Variants in MBD5 observed in about 807,000 individuals in gnomAD.
MBD5 encodes methyl-CpG binding domain protein 5.
Under a neutral mutation model 117.3 loss-of-function variants are expected in MBD5, and 13 were observed. That is an observed-to-expected ratio of 0.11 (90% CI 0.07 to 0.18). The LOEUF (loss-of-function observed/expected upper bound fraction) is 0.18. Among genes scored for constraint, MBD5 ranks in the 10% least tolerant of loss-of-function variants. The pLI is 1.00. For missense variants in MBD5, 1,879 were observed against 2,093.8 expected (o/e 0.90, Z 2.00); for synonymous variants, 727 against 766.4 (o/e 0.95, Z 0.85).
intron 1 of MBD5, among the ~76,000 whole-genome samples, chr2:148,097,006 T>C (rs1696084939): frequency 6.6e-6 from 1 of 152,110 alleles, no homozygotes; most frequent in Non-Finnish European, 1.5e-5. Flanking sequence ...CTGAAATTGA[T>C]TGCAGGAAAC....
At chr2:148,346,389 C>G (rs1054456502) in intron 4 of MBD5, 1 of 151,844 alleles carries the variant, frequency 6.6e-6, no homozygotes, top group South Asian at 2.1e-4. Context: ...AAAATGGAAT[C>G]GGTAGATCAA....
At chr2:148,083,530 A>T (rs1695700654) in intron 1 of MBD5, among the ~76,000 whole-genome samples, 1 of 152,198 alleles carries the variant, frequency 6.6e-6, no homozygotes, top group South Asian at 2.1e-4. Flanking sequence ...TGCTATTAAC[A>T]TATTTTATTC....
chr2:148,218,298 C>T (rs1413237804), intron 2 of MBD5, among the ~76,000 whole-genome samples: 3 of 152,092 alleles, frequency 2.0e-5, no homozygotes, highest in Non-Finnish European at 4.4e-5. Context: ...CTTGGATCAA[C>T]GGATACCTGA....
intron 4 of MBD5, among the ~76,000 whole-genome samples, chr2:148,446,201 C>T (rs929757344): frequency 1.4e-4 from 22 of 151,946 alleles, no homozygotes; most frequent in African/African-American, 4.1e-4. Flanking sequence ...ACATGAAGCC[C>T]TTGCCCACGC....
At chr2:148,114,496 T>A (rs966372346) in intron 1 of MBD5, among the ~76,000 whole-genome samples, 3 of 152,144 alleles carry the variant, frequency 2.0e-5, no homozygotes, top group Non-Finnish European at 2.9e-5. Flanking sequence ...ATTCCAATTT[T>A]AAAATTTTTC....
In MBD5 at chr2:148,059,359, T is replaced by G. The variant is rs930399593; in HGVS notation, c.-925+37675T>G. Among the ~76,000 whole-genome samples the G allele has an allele frequency of 2.0e-5, 3 of 152,216 alleles. No individual in the cohort carries two copies. In the East Asian group the frequency reaches 5.8e-4, roughly 29 times the overall value. Reference sequence around the variant, plus strand: ...ATATACACACTTGGTAATTTTGTACTGGTAACCCGTAAAGAATTTTCCTGT... The same window carrying G: ...ATATACACACTTGGTAATTTTGTACGGGTAACCCGTAAAGAATTTTCCTGT... On this transcript the variant is annotated intron_variant, in intron 1 of 13. Transcript: ENST00000642680.
chr2:148,430,603 G>A (rs542092213), intron 4 of MBD5, among the ~76,000 whole-genome samples: 55 of 151,958 alleles, frequency 3.6e-4, no homozygotes, highest in Non-Finnish European at 7.5e-4. Context: ...ACTTCTCATT[G>A]TAATTCTATC....
rs551152620 is a variant in MBD5, at chr2:148,515,626, C to A, written c.*2685C>A. The A allele has an allele frequency of 1.3e-5, 2 of 152,092 alleles. No individual in the cohort carries two copies. Among genetic ancestry groups the A allele is most frequent in the South Asian group, 2.1e-4 (1 of 4,810 alleles). 9.4% of individuals were successfully genotyped at this position (152,092 alleles called of 1,614,324 possible). On this transcript the variant is annotated 3_prime_UTR_variant, in exon 14 of 14. Coordinates refer to ENST00000642680, the MANE Select transcript of MBD5 (RefSeq NM_001378120.1). Reference sequence around the variant, plus strand: ...TTCATTTTTTTAAATGAAGGCTAGGCCTTCTATGTTACCAAAATTTTTATT... The same window carrying A: ...TTCATTTTTTTAAATGAAGGCTAGGACTTCTATGTTACCAAAATTTTTATT...
At chr2:148,228,602 A>G (rs1405419776) in intron 2 of MBD5, among the ~76,000 whole-genome samples, 2 of 152,218 alleles carry the variant, frequency 1.3e-5, no homozygotes, top group Non-Finnish European at 2.9e-5. Flanking sequence ...AGGCTTTGGT[A>G]TCAGGATGAT....
intron 3 of MBD5, among the ~76,000 whole-genome samples, chr2:148,247,565 G>A (rs1294078804): frequency 1.3e-5 from 2 of 152,076 alleles, no homozygotes; most frequent in Non-Finnish European, 2.9e-5. Flanking sequence ...CTAAATTTAA[G>A]CTTGTACAGC....
intron 2 of MBD5, among the ~76,000 whole-genome samples, chr2:148,227,773 G>A (rs13394579): frequency 0.013 from 1,953 of 152,136 alleles, 36 homozygotes; most frequent in African/African-American, 0.044. Flanking sequence ...ATTTGTTTGT[G>A]TCCTCTTTTA....
In MBD5 at chr2:148,181,128, C is replaced by T. The variant is rs559335716; in HGVS notation, c.-831+2335C>T. Reference sequence around the variant, plus strand: ...AAATTTAAATAAGTGTAAGTGATTTCGTGCTGTGTATCTCATTGTGATCCT... The same window carrying T: ...AAATTTAAATAAGTGTAAGTGATTTTGTGCTGTGTATCTCATTGTGATCCT... On this transcript the variant is annotated intron_variant, in intron 2 of 13. Transcript: ENST00000642680. Among the ~76,000 whole-genome samples, 16 of 152,224 alleles carry T rather than the reference C, an allele frequency of 1.1e-4. No homozygotes were observed. In the South Asian group the frequency reaches 1.9e-3, roughly 18 times the overall value.
At chr2:148,252,443 A>T (rs1436786459) in intron 3 of MBD5, among the ~76,000 whole-genome samples, 1 of 152,148 alleles carries the variant, frequency 6.6e-6, no homozygotes, top group Admixed American at 6.5e-5. Flanking sequence ...CCTGGGTAAA[A>T]GAGTGAGATC....
At chr2:148,322,898 G>C (rs1197833874) in intron 3 of MBD5, among the ~76,000 whole-genome samples, 1 of 151,386 alleles carries the variant, frequency 6.6e-6, no homozygotes, top group Non-Finnish European at 1.5e-5. Flanking sequence ...ACAATGTGCA[G>C]GTTAGTTACC....
intron 2 of MBD5, among the ~76,000 whole-genome samples, chr2:148,188,751 G>A (rs992893423): frequency 2.0e-5 from 3 of 151,786 alleles, no homozygotes; most frequent in Non-Finnish European, 4.4e-5. Flanking sequence ...GAACAGGGAG[G>A]AGCCAAGATG....
chr2:148,216,249 T>C (rs952297799), intron 2 of MBD5, among the ~76,000 whole-genome samples: 7 of 152,090 alleles, frequency 4.6e-5, no homozygotes, highest in Non-Finnish European at 8.8e-5. Flanking sequence ...CAAGCTTAGA[T>C]CACAGATGCA....
chr2:148,267,591 C>G (rs1358249594), intron 3 of MBD5, among the ~76,000 whole-genome samples: 4 of 152,168 alleles, frequency 2.6e-5, no homozygotes, highest in Non-Finnish European at 5.9e-5. Context: ...TTGCCTCCCT[C>G]TCCAGAGGTA....
chr2:148,075,251 G>A (rs1695478561), intron 1 of MBD5, among the ~76,000 whole-genome samples: 1 of 152,170 alleles, frequency 6.6e-6, no homozygotes, highest in African/African-American at 2.4e-5. Context: ...TAAATATTCA[G>A]TCAGTTTTAT....
chr2:148,422,335 A>C (rs1281587797), intron 4 of MBD5, among the ~76,000 whole-genome samples: 2 of 152,178 alleles, frequency 1.3e-5, no homozygotes, highest in African/African-American at 2.4e-5. Flanking sequence ...GACCTGCAGC[A>C]AAAGGGCCTG....
Sources: allele counts gnomAD v4.1 joint callset (sites outside exome capture counted in the v4.1 genomes callset), GRCh38; gene constraint gnomAD v4.1.1; transcripts MANE v1.5; gene names NCBI Gene and HGNC (gene_info 2026-07-23, HGNC 2026-07-21).